The following ODAD2 variants were observed in gnomAD, a reference collection of about 807,000 sequenced individuals.
The protein encoded by ODAD2 is outer dynein arm-docking complex subunit 2.
In ODAD2, 89 loss-of-function variants were observed where a neutral mutation model predicts 106.8. That is an observed-to-expected ratio of 0.83 (90% CI 0.70 to 0.99). ODAD2 has a LOEUF of 0.99. Ranked by LOEUF, ODAD2 falls within the 50% of genes least tolerant of loss-of-function variation. The probability of loss-of-function intolerance (pLI) is 0.00; values close to 1 mark genes in which losing one functional copy is unlikely to be tolerated. For synonymous variants in ODAD2, 404 were observed against 436.2 expected, an observed-to-expected ratio of 0.93 and a Z score of 0.92; for missense variants, 1,168 against 1,238.5, an observed-to-expected ratio of 0.94 and a Z score of 0.85.
intron 2 of ODAD2, 50 bp from the exon 3 acceptor site, chr10:27,987,593 G>T: frequency 7.3e-7 from 1 of 1,364,920 alleles, no homozygotes; most frequent in Non-Finnish European, 1.0e-6. Flanking sequence ...CTAGAGGTCA[G>T]TAGAAGTTAA....
chr10:27,957,484 C>T (rs889244622), intron 10 of ODAD2: 9 of 152,118 alleles, frequency 5.9e-5, no homozygotes, highest in Admixed American at 2.6e-4. Context: ...ACAACCTGAA[C>T]CATCAGGATA....
At chr10:27,965,172 T>A (rs989620514) in intron 9 of ODAD2, among the ~76,000 whole-genome samples, 1 of 152,042 alleles carries the variant, frequency 6.6e-6, no homozygotes, top group Non-Finnish European at 1.5e-5. Context: ...TGATAATGGA[T>A]CCATAGAAAA....
At position 27,987,440 on chromosome 10, in the gene ODAD2, A is replaced by C. The variant is rs200893584; in HGVS notation, c.328T>G (p.Leu110Val). Residue 110 changes from leucine to valine, a missense_variant, in exon 3 of 20, where the codon TTG becomes GTG. Physicochemically the swap from Leu to Val is conservative, Grantham distance 32 (BLOSUM62 1). Around this residue, in one of 3 missense-constraint regions of ODAD2, gnomAD observed 430 missense variants for 452.2 expected, o/e 0.95. Transcript: ENST00000305242. ...TTCCCAGTTTTGGCAATAAGTAACA[A>C]GCGTGACAGCTGCCCAAAGCTCCTA... ...KIRSFGQLSRLLLIAKTGKLK... is the reference protein window; with the variant it reads ...KIRSFGQLSRVLLIAKTGKLK... 1.9e-6 allele frequency: 3 copies of C among 1,613,994 alleles called. No homozygotes were observed. In the East Asian group the frequency reaches 6.7e-5, roughly 36 times the overall value.
chr10:27,917,318 T>C (rs1383814955), intron 16 of ODAD2, among the ~76,000 whole-genome samples: 1 of 152,092 alleles, frequency 6.6e-6, no homozygotes, highest in East Asian at 1.9e-4. Flanking sequence ...AGAAACTATT[T>C]TGAATTAAAT....
intron 19 of ODAD2, among the ~76,000 whole-genome samples, chr10:27,842,149 C>T (rs1423562199): frequency 2.0e-5 from 3 of 152,112 alleles, no homozygotes; most frequent in Non-Finnish European, 4.4e-5. Context: ...TCATTTGACC[C>T]CCTTTGTTTC....
chr10:27,890,829 T>C (rs1842511079), intron 17 of ODAD2, among the ~76,000 whole-genome samples: 1 of 151,880 alleles, frequency 6.6e-6, no homozygotes, highest in African/African-American at 2.4e-5. Flanking sequence ...GATTTTAGGA[T>C]CTGGGGGCCA....
At chr10:27,930,498 AGTGAGACCTTGTCTCT>A (rs1253701187) in intron 16 of ODAD2, among the ~76,000 whole-genome samples, 1 of 152,016 alleles carries the variant, frequency 6.6e-6, no homozygotes, top group Non-Finnish European at 1.5e-5. Context: ...TGGGTGATAG[AGTGAGACCTTGTCTCT>A]GAAAAACAAA....
rs547877585 is a variant in ODAD2, at chr10:27,922,304, G to A, written c.2495+12706C>T. Reference sequence around the variant, plus strand: ...AGAATTTAGGGAATTCTGCACCCCTGAGCCCTTTTTGAAGATTCTCCTAGA... The same window carrying A: ...AGAATTTAGGGAATTCTGCACCCCTAAGCCCTTTTTGAAGATTCTCCTAGA... On this transcript the variant is annotated intron_variant, in intron 16 of 19. Coordinates refer to ENST00000305242, the MANE Select transcript of ODAD2 (RefSeq NM_018076.5). Among the ~76,000 whole-genome samples the A allele has an allele frequency of 2.7e-5, 4 of 150,418 alleles. No homozygotes were observed. The South Asian group carries it at 8.4e-4, about 32-fold the overall frequency.
Position 27,826,307 on chromosome 10 carries a change from C to T in ODAD2, c.3022-13682G>A, listed in dbSNP as rs1837038136. Among the ~76,000 whole-genome samples, 4 of 152,160 alleles carry T rather than the reference C, an allele frequency of 2.6e-5. No individual in the cohort carries two copies. In the South Asian group the frequency reaches 8.3e-4, roughly 32 times the overall value. On this transcript the variant is annotated intron_variant, in intron 19 of 19. Transcript: ENST00000305242. ...ATTGAAATCCTGGCTCTCAACCAGG[C>T]TTCCGGATCATGTACATCCATTGCA...
At chr10:27,824,080 G>A (rs1369759463) in intron 19 of ODAD2, among the ~76,000 whole-genome samples, 2 of 106,880 alleles carry the variant, frequency 1.9e-5, no homozygotes, top group Non-Finnish European at 3.3e-5. Flanking sequence ...GGCGGAGCCT[G>A]CAGTGAGCCG....
chr10:27,866,977 TTC>T (rs1309447586), intron 17 of ODAD2, among the ~76,000 whole-genome samples: 4 of 152,126 alleles, frequency 2.6e-5, no homozygotes, highest in Non-Finnish European at 5.9e-5. Flanking sequence ...ATCACAGAAC[TTC>T]TTTTTTTTTT....
At chr10:27,884,653 G>A (rs1049816183) in intron 17 of ODAD2, among the ~76,000 whole-genome samples, 23 of 152,236 alleles carry the variant, frequency 1.5e-4, no homozygotes, top group African/African-American at 5.5e-4. Context: ...AGCAAGGGTA[G>A]ATACTGTGGC....
chr10:27,977,653 T>C (rs557790227), intron 7 of ODAD2, among the ~76,000 whole-genome samples: 1 of 152,152 alleles, frequency 6.6e-6, no homozygotes, highest in South Asian at 2.1e-4. Context: ...TCTAACAGAA[T>C]ATATAAGCCA....
At position 27,969,315 on chromosome 10, in the gene ODAD2, G is replaced by A. The variant is rs574776573; in HGVS notation, c.1143-297C>T. Among the ~76,000 whole-genome samples the A allele has an allele frequency of 1.9e-4, 29 of 151,804 alleles. 2 individuals are homozygous for A. Among genetic ancestry groups the A allele is most frequent in the Admixed American group, 5.9e-4 (9 of 15,274 alleles). On this transcript the variant is annotated intron_variant, in intron 8 of 19. Coordinates refer to ENST00000305242, the MANE Select transcript of ODAD2 (RefSeq NM_018076.5). Reference sequence around the variant, plus strand: ...ATGCCTTCTACTCTAGGTATGTATCGCCGCCAATTATAGTTTTCTATTTTC... The same window carrying A: ...ATGCCTTCTACTCTAGGTATGTATCACCGCCAATTATAGTTTTCTATTTTC...
intron 17 of ODAD2, among the ~76,000 whole-genome samples, chr10:27,893,864 A>G (rs1589947555): frequency 6.6e-6 from 1 of 152,188 alleles, no homozygotes. Flanking sequence ...TAACCTTATT[A>G]GAAGGCCAGG....
chr10:27,862,203 A>G (rs1186858531), intron 18 of ODAD2, among the ~76,000 whole-genome samples: 1 of 152,190 alleles, frequency 6.6e-6, no homozygotes, highest in Non-Finnish European at 1.5e-5. Context: ...CAAATAAAAA[A>G]CAGCTTCTAT....
intron 16 of ODAD2, among the ~76,000 whole-genome samples, chr10:27,912,041 T>C (rs778378519): frequency 1.1e-4 from 17 of 152,236 alleles, no homozygotes; most frequent in Non-Finnish European, 2.4e-4. Context: ...AAGTTTTCAT[T>C]TGAAGTTGTC....
At chr10:27,891,347 GT>G (rs1204732511) in intron 17 of ODAD2, among the ~76,000 whole-genome samples, 1 of 151,258 alleles carries the variant, frequency 6.6e-6, no homozygotes, top group African/African-American at 2.4e-5. Context: ...AGAACTTTAG[GT>G]CACTGGTTTT....
At chr10:27,900,147 C>G (rs1174463140) in intron 17 of ODAD2, among the ~76,000 whole-genome samples, 1 of 152,188 alleles carries the variant, frequency 6.6e-6, no homozygotes, top group Non-Finnish European at 1.5e-5. Flanking sequence ...TGTTCTGCAG[C>G]CTCCGCTCAT....
Sources: allele counts gnomAD v4.1 joint callset (sites outside exome capture counted in the v4.1 genomes callset), GRCh38; gene constraint gnomAD v4.1.1; regional missense constraint gnomAD v4.1.1; transcripts MANE v1.5; gene names NCBI Gene and HGNC (gene_info 2026-07-23, HGNC 2026-07-21).